Variants in EHMT1 observed in about 807,000 individuals in gnomAD.
EHMT1 encodes the protein euchromatic histone lysine methyltransferase 1, also known as histone-lysine N-methyltransferase EHMT1.
In EHMT1, 15 loss-of-function variants were observed where a neutral mutation model predicts 147.2. That is an observed-to-expected ratio of 0.10 (90% confidence interval 0.07 to 0.16). EHMT1 has a LOEUF of 0.16. Ranked by LOEUF, EHMT1 falls within the 10% of genes least tolerant of loss-of-function variation. EHMT1 has a pLI of 1.00. For missense variants in EHMT1, 1,587 were observed against 1,772.4 expected (o/e 0.90, Z 1.88); for synonymous variants, 795 against 709.6 (o/e 1.12, Z -1.91).
At position 137,736,496 on chromosome 9, in the gene EHMT1, G is replaced by T. The variant is rs547592304; in HGVS notation, c.824-6875G>T. On this transcript the variant is annotated intron_variant, in intron 4 of 26. Coordinates refer to ENST00000460843, the MANE Select transcript of EHMT1 (RefSeq NM_024757.5). ...ATTTAGCAGACATACAGAGCACTCT[G>T]CCCAACAGCAGCATGTACACTCTTC... is the stretch of plus-strand genomic sequence containing the variant. Among the ~76,000 whole-genome samples the T allele has an allele frequency of 4.6e-5, 7 of 152,372 alleles. No individual in the cohort carries two copies. In the South Asian group the frequency reaches 1.4e-3, roughly 32 times the overall value.
intron 18 of EHMT1, among the ~76,000 whole-genome samples, chr9:137,810,925 T>C (rs903475023): frequency 4.6e-5 from 7 of 152,168 alleles, no homozygotes; most frequent in Non-Finnish European, 8.8e-5. Context: ...GGTCTCGAAC[T>C]CCTGACCTCA....
intron 18 of EHMT1, among the ~76,000 whole-genome samples, chr9:137,810,996 C>T (rs566821588): frequency 1.2e-4 from 19 of 152,222 alleles, no homozygotes; most frequent in Non-Finnish European, 2.1e-4. Flanking sequence ...CCACCATGCC[C>T]GGCCCAAAAT....
chr9:137,797,951 G>T (rs1470155955), intron 16 of EHMT1, among the ~76,000 whole-genome samples: 1 of 152,240 alleles, frequency 6.6e-6, no homozygotes, highest in East Asian at 1.9e-4. Flanking sequence ...GGCGGCACCG[G>T]CTCCCCTGCC....
At chr9:137,717,212 T>G (rs780105523) in intron 3 of EHMT1, 30 bp downstream of exon 3, 7 of 1,606,548 alleles carry the variant, frequency 4.4e-6, no homozygotes, top group Admixed American at 1.7e-5. Context: ...TGCTGTTTCC[T>G]TTTTCCCATC....
chr9:137,801,766 G>T lies in EHMT1; in HGVS notation c.2712+782G>T, dbSNP rs368739259. Among the ~76,000 whole-genome samples, 16 of 152,210 alleles carry T rather than the reference G, an allele frequency of 1.1e-4. No individual in the cohort carries two copies. In the East Asian group the frequency reaches 3.1e-3, roughly 29 times the overall value. ...GCCCGCCTCAGCCTTCCATAGAGCT[G>T]GGATTACAGGTGTGAGCCACTGCGC... On this transcript the variant is annotated intron_variant, in intron 18 of 26. Coordinates refer to ENST00000460843, the MANE Select transcript of EHMT1 (RefSeq NM_024757.5).
At chr9:137,768,254 A>C (rs892409927) in intron 10 of EHMT1, among the ~76,000 whole-genome samples, 6 of 151,920 alleles carry the variant, frequency 3.9e-5, no homozygotes, top group African/African-American at 1.5e-4. Flanking sequence ...TCTCCATTTA[A>C]TGTAAGTATT....
rs554891579 is a variant in EHMT1, at chr9:137,625,048, A to C, written c.21+5999A>C. Among the ~76,000 whole-genome samples the C allele has an allele frequency of 3.6e-3, 539 of 151,588 alleles. 1 individual carries two copies. Among genetic ancestry groups the C allele is most frequent in the Non-Finnish European group, 6.1e-3 (416 of 67,864 alleles). The stretch of plus-strand genomic sequence containing the variant: ...AGGCTCCTGCCACCCCGCCCCGCTA[A>C]TTTTTGTATTTTCGGTAGAGATGGG... On this transcript the variant is annotated intron_variant, in intron 1 of 26. Coordinates refer to ENST00000460843, the MANE Select transcript of EHMT1 (RefSeq NM_024757.5).
At chr9:137,814,582 G>A (rs994493940) in intron 22 of EHMT1, 74 bp downstream of exon 22, 32 of 1,520,036 alleles carry the variant, frequency 2.1e-5, no homozygotes, top group African/African-American at 9.5e-5. Flanking sequence ...CAGTGCAGGC[G>A]TCTGTGACCC....
chr9:137,686,253 T>C (rs1036863511), intron 1 of EHMT1, among the ~76,000 whole-genome samples: 1 of 152,240 alleles, frequency 6.6e-6, no homozygotes, highest in Non-Finnish European at 1.5e-5. Flanking sequence ...TGCTTGTGCT[T>C]TTGGTGTGAT....
intron 1 of EHMT1, among the ~76,000 whole-genome samples, chr9:137,628,688 T>A (rs1220384767): frequency 6.6e-6 from 1 of 152,212 alleles, no homozygotes; most frequent in Non-Finnish European, 1.5e-5. Context: ...TGTCAGTTGT[T>A]GGTTGTGGTC....
In EHMT1 at chr9:137,787,875, G is replaced by A; in HGVS notation, c.2383-2973G>A. ...ACATTGGGGATAGGAGGTGGGTGGG[G>A]GTGCCAAGGGCATTACCACATTGGG... On this transcript the variant is annotated intron_variant, in intron 15 of 26. Transcript: ENST00000460843. This position sits in a 1 kb window ranked among gnomAD's most constrained non-coding sequence, Gnocchi z 4.2. 8.2e-7 allele frequency: 1 copy of A among 1,222,422 alleles called. No homozygotes were observed. The highest frequency in any genetic ancestry group is 1.2e-5 in the South Asian group (1 of 83,198). The allele number at this position is 1,222,422 out of a possible 1,614,324, so 75.7% of individuals were successfully genotyped here. A position where few individuals can be genotyped will look rare whatever the true frequency, so the allele number is the denominator to read the frequency against.
At chr9:137,700,944 A>T (rs978771507) in intron 1 of EHMT1, among the ~76,000 whole-genome samples, 2 of 152,224 alleles carry the variant, frequency 1.3e-5, no homozygotes, top group African/African-American at 4.8e-5. Context: ...CAGGCTGTAT[A>T]GGTTTCTGCT....
At chr9:137,643,584 G>A (rs1589093870) in intron 1 of EHMT1, among the ~76,000 whole-genome samples, 2 of 151,828 alleles carry the variant, frequency 1.3e-5, no homozygotes, top group South Asian at 2.1e-4. Context: ...TCCTGACCTC[G>A]TGATCTGCCC....
intron 15 of EHMT1, among the ~76,000 whole-genome samples, chr9:137,790,362 C>T (rs944797066): frequency 6.6e-6 from 1 of 152,244 alleles, no homozygotes; most frequent in Middle Eastern, 3.4e-3. Context: ...CAAGTTTCTC[C>T]GTTTGTTTGG....
intron 1 of EHMT1, among the ~76,000 whole-genome samples, chr9:137,636,673 T>C (rs557952742): frequency 1.3e-5 from 2 of 152,286 alleles, no homozygotes; most frequent in South Asian, 4.1e-4. Context: ...TTTCCTTTAT[T>C]GATATGGTGT....
At chr9:137,748,879 A>G (rs1435521660) in intron 6 of EHMT1, among the ~76,000 whole-genome samples, 1 of 152,148 alleles carries the variant, frequency 6.6e-6, no homozygotes, top group Non-Finnish European at 1.5e-5. Flanking sequence ...CTTCTTCTGC[A>G]TGTGGCCTGC....
chr9:137,681,823 G>C (rs913948643), intron 1 of EHMT1, among the ~76,000 whole-genome samples: 9 of 152,188 alleles, frequency 5.9e-5, no homozygotes, highest in Non-Finnish European at 8.8e-5. Flanking sequence ...TGTTTGTGTG[G>C]TGAGACATTG....
chr9:137,790,919 T>C lies in EHMT1; in HGVS notation c.2454T>C (p.His818=). 6.2e-7 allele frequency: 1 copy of C among 1,614,144 alleles called. No homozygotes were observed. The highest frequency in any genetic ancestry group is 8.5e-7 in the Non-Finnish European group (1 of 1,180,026). The change falls in exon 16 of 27, where the codon CAT becomes CAC. Residue 818 remains histidine (H), a synonymous_variant. Coordinates refer to ENST00000460843, the MANE Select transcript of EHMT1 (RefSeq NM_024757.5). ...TPLMEAAENN[H]LEAVKYLIKA... Reference sequence around the variant, plus strand: ...TGATGGAAGCAGCCGAAAACAACCATCTGGAAGCAGTGAAGTACCTCATCA... The same window carrying C: ...TGATGGAAGCAGCCGAAAACAACCACCTGGAAGCAGTGAAGTACCTCATCA...
At chr9:137,730,443 T>G (rs1947007493) in intron 4 of EHMT1, among the ~76,000 whole-genome samples, 1 of 151,908 alleles carries the variant, frequency 6.6e-6, no homozygotes, top group African/African-American at 2.4e-5. Context: ...GTCCATTTAC[T>G]TTACAAAAAA....
Sources: allele counts gnomAD v4.1 joint callset (sites outside exome capture counted in the v4.1 genomes callset), GRCh38; gene constraint gnomAD v4.1.1; non-coding constraint Gnocchi (gnomAD v3.1); transcripts MANE v1.5; gene names NCBI Gene and HGNC (gene_info 2026-07-23, HGNC 2026-07-21).